The following CLTB variants were observed in gnomAD, a reference collection of about 807,000 sequenced individuals.
CLTB encodes the protein clathrin light chain B.
In CLTB, 10 loss-of-function variants were observed where a neutral mutation model predicts 30.5. The observed-to-expected ratio is 0.33, with a 90% CI of 0.20 to 0.56. The LOEUF (loss-of-function observed/expected upper bound fraction) is 0.56, where lower values mean the gene tolerates loss of function less well. Among genes scored for constraint, CLTB ranks in the 20% least tolerant of loss-of-function variants. The probability of loss-of-function intolerance (pLI) is 0.91; values close to 1 mark genes in which losing one functional copy is unlikely to be tolerated. For synonymous variants in CLTB, 102 were observed against 120.3 expected, an observed-to-expected ratio of 0.85 and a Z score of 1.00; for missense variants, 261 against 308.3, an observed-to-expected ratio of 0.85 and a Z score of 1.15.
chr5:176,410,994 C>G (rs1187132012), intron 1 of CLTB, among the ~76,000 whole-genome samples: 5 of 152,188 alleles, frequency 3.3e-5, no homozygotes, highest in African/African-American at 1.2e-4. Context: ...CACTCTCTCC[C>G]GCAGCTCAGC....
At chr5:176,396,584 G>T in intron 4 of CLTB, 52 bp from the exon 5 acceptor site, 1 of 1,330,048 alleles carries the variant, frequency 7.5e-7, no homozygotes. Context: ...CAGATGGCAA[G>T]ACAGACAGGC....
chr5:176,413,922 G>A (rs80222772), intron 1 of CLTB, among the ~76,000 whole-genome samples: 17,604 of 152,190 alleles, frequency 0.12, 1,175 homozygotes, highest in East Asian at 0.25. Context: ...TGGAAGAAGC[G>A]AGCGTGTCAT....
At chr5:176,396,157 C>G (rs1408842040) in intron 5 of CLTB, among the ~76,000 whole-genome samples, 3 of 152,110 alleles carry the variant, frequency 2.0e-5, no homozygotes, top group Non-Finnish European at 2.9e-5. Context: ...AACCCTTCAC[C>G]CCACACACCC....
chr5:176,394,107 C>T (rs1470066827), intron 5 of CLTB, among the ~76,000 whole-genome samples: 1 of 152,176 alleles, frequency 6.6e-6, no homozygotes, highest in Admixed American at 6.5e-5. Flanking sequence ...TTTCACTGGA[C>T]TGAGAATTCA....
At chr5:176,412,349 G>A (rs1314990568) in intron 1 of CLTB, among the ~76,000 whole-genome samples, 1 of 152,042 alleles carries the variant, frequency 6.6e-6, no homozygotes, top group Non-Finnish European at 1.5e-5. Context: ...GCACCCTCTT[G>A]TGCAATTACT....
intron 4 of CLTB, among the ~76,000 whole-genome samples, 177 bp from the exon 5 acceptor site, chr5:176,396,709 T>C (rs1298144821): frequency 5.3e-5 from 8 of 151,988 alleles, no homozygotes; most frequent in Non-Finnish European, 1.2e-4. Flanking sequence ...AACAGGAGAA[T>C]GGGGACCTTC....
chr5:176,413,863 A>G (rs1561802846), intron 1 of CLTB, among the ~76,000 whole-genome samples: 2 of 152,232 alleles, frequency 1.3e-5, no homozygotes, highest in East Asian at 3.8e-4. Flanking sequence ...CAGAGTCAGC[A>G]GGTATGCGCC....
chr5:176,403,238 C>T (rs769044277), intron 2 of CLTB, among the ~76,000 whole-genome samples: 6 of 151,740 alleles, frequency 4.0e-5, no homozygotes, highest in African/African-American at 9.7e-5. Flanking sequence ...TTAGTAGAGA[C>T]GGGGTTTTGC....
intron 4 of CLTB, 60 bp from the exon 5 acceptor site, chr5:176,396,592 G>A: frequency 8.1e-7 from 1 of 1,234,970 alleles, no homozygotes; most frequent in Non-Finnish European, 1.2e-6. Context: ...AAGACAGACA[G>A]GCAGGCAGAA....
At chr5:176,411,943 G>C (rs1235036331) in intron 1 of CLTB, among the ~76,000 whole-genome samples, 2 of 152,118 alleles carry the variant, frequency 1.3e-5, no homozygotes, top group African/African-American at 4.8e-5. Context: ...TTGGGAGGCT[G>C]AGGTGGGCAG....
intron 2 of CLTB, among the ~76,000 whole-genome samples, chr5:176,403,540 C>T (rs763784882): frequency 4.6e-5 from 7 of 151,622 alleles, no homozygotes; most frequent in Admixed American, 1.3e-4. Context: ...CTGCAACCTC[C>T]GCCTCCCGGG....
Position 176,416,224 on chromosome 5 carries a change from G to A in CLTB, c.140C>T (p.Pro47Leu). 6.3e-7 allele frequency: 1 copy of A among 1,598,602 alleles called. No homozygotes were observed. Among genetic ancestry groups the A allele is most frequent in the Non-Finnish European group, 8.5e-7 (1 of 1,174,878 alleles). ...CGCGGGGGCCGCATGGCTGCCGGCAGGTGCCCCGAAGCCCTCGTCGTTCTC... is the reference window on the plus strand; with the variant it reads ...CGCGGGGGCCGCATGGCTGCCGGCAAGTGCCCCGAAGCCCTCGTCGTTCTC... ...GIENDEGFGA[P>L]AGSHAAPAQP... Residue 47 changes from proline (P) to leucine (L), a missense_variant, in exon 1 of 6, where the codon CCT (proline) becomes CTT (leucine). Around this residue, in one of 3 missense-constraint regions of CLTB, gnomAD observed 113 missense variants for 102.5 expected, o/e 1.10. Coordinates refer to ENST00000310418, the MANE Select transcript of CLTB (RefSeq NM_007097.5).
chr5:176,392,912 C>G lies in CLTB; in HGVS notation c.552G>C (p.Lys184Asn), dbSNP rs1266056358. 6.2e-7 allele frequency: 1 copy of G among 1,614,134 alleles called. No homozygotes were observed. The highest frequency in any genetic ancestry group is 1.7e-5 in the Admixed American group (1 of 60,032). ...CCCACTCTGTGCCTGGGGTCTCCTC[C>G]TTGGATTCCTTCACGAAAGCCTCCT... ...ASEEAFVKES[K>N]EETPGTEWEK... The change falls in exon 6 of 6, where the codon AAG becomes AAC. Residue 184 changes from lysine to asparagine, a missense_variant. Physicochemically the swap from Lys to Asn is moderately conservative, Grantham distance 94. Coordinates refer to ENST00000310418, the MANE Select transcript of CLTB (RefSeq NM_007097.5). The surrounding 1 kb of genome is among the most constrained non-coding windows in gnomAD (Gnocchi z 5.2).
At chr5:176,412,400 C>T (rs1401615975) in intron 1 of CLTB, among the ~76,000 whole-genome samples, 2 of 152,114 alleles carry the variant, frequency 1.3e-5, no homozygotes, top group Non-Finnish European at 2.9e-5. Flanking sequence ...TACCAGGCTC[C>T]GTGTCCTATT....
chr5:176,406,647 G>T, intron 2 of CLTB: 1 of 1,289,412 alleles, frequency 7.8e-7, no homozygotes. Context: ...GTTGTGGGCA[G>T]GCTCGTCCTT....
At chr5:176,400,937 A>G (rs1756786988) in intron 2 of CLTB, among the ~76,000 whole-genome samples, 1 of 152,162 alleles carries the variant, frequency 6.6e-6, no homozygotes, top group African/African-American at 2.4e-5. Context: ...TCAGGGCTAC[A>G]GTCTCCAGCT....
At chr5:176,398,184 C>A in intron 2 of CLTB, 137 bp from the exon 3 acceptor site, 1 of 719,040 alleles carries the variant, frequency 1.4e-6, no homozygotes, top group South Asian at 1.7e-5. Flanking sequence ...GGTGACTACA[C>A]CTATCTTTGC....
intron 1 of CLTB, among the ~76,000 whole-genome samples, chr5:176,413,119 C>A (rs1259930869): frequency 1.3e-5 from 2 of 152,200 alleles, no homozygotes; most frequent in African/African-American, 4.8e-5. Flanking sequence ...ACACAGCATT[C>A]CAAGTACCTG....
At chr5:176,400,209 G>A (rs116354874) in intron 2 of CLTB, among the ~76,000 whole-genome samples, 3,977 of 148,272 alleles carry the variant, frequency 0.027, 66 homozygotes, top group Middle Eastern at 0.05. Context: ...AAAAAAAAAA[G>A]AAAGAAAGAA....
Sources: allele counts gnomAD v4.1 joint callset (sites outside exome capture counted in the v4.1 genomes callset), GRCh38; gene constraint gnomAD v4.1.1; regional missense constraint gnomAD v4.1.1; non-coding constraint Gnocchi (gnomAD v3.1); transcripts MANE v1.5; gene names NCBI Gene and HGNC (gene_info 2026-07-23, HGNC 2026-07-21).